TDRD15: variants seen among roughly 807,000 people sequenced by gnomAD.
TDRD15 encodes the protein tudor domain-containing protein 15.
For missense variants in TDRD15, 1,416 were observed against 904.7 expected, an observed-to-expected ratio of 1.57 and a Z score of -7.25; for synonymous variants, 503 against 314.5, an observed-to-expected ratio of 1.60 and a Z score of -6.34.
intron 1 of TDRD15, among the ~76,000 whole-genome samples, chr2:21,126,486 G>C (rs1052840965): frequency 6.6e-6 from 1 of 151,646 alleles, no homozygotes; most frequent in Non-Finnish European, 1.5e-5. Flanking sequence ...CCTTCCTCAG[G>C]CTCCCGAGTA....
chr2:21,126,881 T>C (rs2103434544), intron 1 of TDRD15, among the ~76,000 whole-genome samples: 1 of 152,334 alleles, frequency 6.6e-6, no homozygotes, highest in African/African-American at 2.4e-5. Context: ...TATTTAACTT[T>C]TAAAGAAGCT....
chr2:21,124,246 C>T (rs1665534548), intron 1 of TDRD15, among the ~76,000 whole-genome samples, 200 bp downstream of exon 1: 1 of 152,194 alleles, frequency 6.6e-6, no homozygotes. Flanking sequence ...ATTCAGCCCT[C>T]CCACCCGGGA....
At chr2:21,133,851 TA>T (rs936026031) in intron 2 of TDRD15, among the ~76,000 whole-genome samples, 1 of 152,088 alleles carries the variant, frequency 6.6e-6, no homozygotes, top group Non-Finnish European at 1.5e-5. Context: ...ATGCTAAGTG[TA>T]AAATGTACAC....
chr2:21,127,521 A>G (rs751573446), intron 1 of TDRD15, 80 bp from the exon 2 acceptor site: 3 of 152,176 alleles, frequency 2.0e-5, no homozygotes, highest in Non-Finnish European at 2.9e-5. Context: ...GCGTATGGCT[A>G]TCCAGCTGTT....
rs1467241279 is a variant in TDRD15 at position 21,143,554 on chromosome 2, A to C, written c.*282A>C. On this transcript the variant is annotated 3_prime_UTR_variant, in exon 4 of 4. Transcript: ENST00000405799. Reference sequence around the variant, plus strand: ...GGAACTGCCTGATGGTTTGAAGAACAGCAGTCACGTTGAAGACATTTTTGA... The same window carrying C: ...GGAACTGCCTGATGGTTTGAAGAACCGCAGTCACGTTGAAGACATTTTTGA... Among the ~76,000 whole-genome samples the C allele has an allele frequency of 6.6e-6, 1 of 151,642 alleles. No homozygotes were observed. Among genetic ancestry groups the C allele is most frequent in the Admixed American group, 6.6e-5 (1 of 15,180 alleles).
At chr2:21,147,068 GTGTTGCC>G (rs1319121103), downstream of TDRD15, among the ~76,000 whole-genome samples, 3 of 152,096 alleles carry the variant, frequency 2.0e-5, no homozygotes, top group African/African-American at 4.8e-5. Context: ...AAGCATTTCA[GTGTTGCC>G]TGGTACATAA....
chr2:21,144,471 T>C (rs1471430655), downstream of TDRD15, among the ~76,000 whole-genome samples: 1 of 151,898 alleles, frequency 6.6e-6, no homozygotes, highest in Non-Finnish European at 1.5e-5. Flanking sequence ...TATTTGAATT[T>C]TACCTAGATG....
intron 1 of TDRD15, among the ~76,000 whole-genome samples, chr2:21,126,685 C>G (rs376281085): frequency 6.6e-6 from 1 of 152,106 alleles, no homozygotes; most frequent in African/African-American, 2.4e-5. Flanking sequence ...TTATGCGTTA[C>G]GACTATTGTA....
intron 1 of TDRD15, among the ~76,000 whole-genome samples, chr2:21,126,388 C>T (rs972131504): frequency 5.3e-5 from 8 of 150,254 alleles, no homozygotes; most frequent in Admixed American, 2.6e-4. Context: ...TTCTTTGAGA[C>T]GGAGTTTCCC....
intron 2 of TDRD15, among the ~76,000 whole-genome samples, chr2:21,130,239 T>G (rs138605696): frequency 1.6e-4 from 25 of 152,364 alleles, no homozygotes; most frequent in Non-Finnish European, 3.2e-4. Flanking sequence ...AGGTTTTTTA[T>G]CCATTTTCAG....
chr2:21,124,441 GGT>G (rs1167399863), intron 1 of TDRD15, among the ~76,000 whole-genome samples: 2 of 147,606 alleles, frequency 1.4e-5, no homozygotes, highest in African/African-American at 2.5e-5. Flanking sequence ...CTAATGTCAG[GGT>G]GTGTGTGTGT....
At position 21,134,798 on chromosome 2, in the gene TDRD15, A is replaced by G. The variant is rs1665777749; in HGVS notation, c.-53A>G. The stretch of plus-strand genomic sequence containing the variant: ...GATTCTAAGGAAAAATAGTTTCCCA[A>G]ATTTCACACAATTAATTGAGTACTG... On this transcript the variant is annotated 5_prime_UTR_variant, in exon 3 of 4. Transcript: ENST00000405799. 6.6e-6 allele frequency: 1 copy of G among 151,524 alleles called. No homozygotes were observed. The highest frequency in any genetic ancestry group is 1.5e-5 in the Non-Finnish European group (1 of 67,798). 9.4% of individuals were successfully genotyped at this position (151,524 alleles called of 1,614,324 possible).
In TDRD15 at chr2:21,138,978, A is replaced by G. The variant is rs1166067026; in HGVS notation, c.1511A>G (p.His504Arg). 4.2e-6 allele frequency: 3 copies of G among 712,660 alleles called. No homozygotes were observed. The highest frequency in any genetic ancestry group is 1.5e-5 in the South Asian group (1 of 66,792). 44.1% of individuals were successfully genotyped at this position (712,660 alleles called of 1,614,324 possible). ...AATTTCTGGGTACGCACTAATGACC[A>G]TCGGAATGAATTTCAAGAAATAATG... Reference protein sequence around the residue: ...PSNFWVRTNDHRNEFQEIMKN... With the variant: ...PSNFWVRTNDRRNEFQEIMKN... Residue 504 changes from histidine (H) to arginine (R), a missense_variant, in exon 4 of 4, where the codon CAT (histidine) becomes CGT (arginine). By Grantham distance (29) the His-to-Arg change is conservative (BLOSUM62 0). Coordinates refer to ENST00000405799, the MANE Select transcript of TDRD15 (RefSeq NM_001306137.2).
At position 21,139,953 on chromosome 2, in the gene TDRD15, A is replaced by G. The variant is rs1665887490; in HGVS notation, c.2486A>G (p.Asp829Gly). 1 of 715,914 alleles carries G rather than the reference A, an allele frequency of 1.4e-6. No homozygotes were observed. Among genetic ancestry groups the G allele is most frequent in the Non-Finnish European group, 2.6e-6 (1 of 384,092 alleles). 44.3% of individuals were successfully genotyped at this position (715,914 alleles called of 1,614,324 possible). The change falls in exon 4 of 4, where the codon GAC becomes GGC. Residue 829 changes from aspartate to glycine, a missense_variant. Asp to Gly is a moderately conservative substitution (Grantham distance 94). Transcript: ENST00000405799. The part of the protein sequence containing the change: ...AVLTQVSKEV[D>G]IVFVDYGYQK... ...TTGACTCAAGTATCAAAAGAAGTTGACATAGTGTTTGTTGATTATGGTTAC... is the reference window on the plus strand; with the variant it reads ...TTGACTCAAGTATCAAAAGAAGTTGGCATAGTGTTTGTTGATTATGGTTAC...
intron 2 of TDRD15, among the ~76,000 whole-genome samples, chr2:21,128,039 G>A (rs1010259720): frequency 1.3e-5 from 2 of 152,144 alleles, no homozygotes; most frequent in Non-Finnish European, 2.9e-5. Flanking sequence ...GGTATCAAAA[G>A]ATGTGAGGAC....
intron 2 of TDRD15, among the ~76,000 whole-genome samples, chr2:21,133,636 C>T (rs1665757869): frequency 6.6e-6 from 1 of 152,094 alleles, no homozygotes; most frequent in East Asian, 1.9e-4. Context: ...AACTAGTGTA[C>T]TAAAACCTTT....
intron 1 of TDRD15, among the ~76,000 whole-genome samples, chr2:21,125,784 T>A (rs2103433609): frequency 6.6e-6 from 1 of 152,288 alleles, no homozygotes; most frequent in South Asian, 2.1e-4. Context: ...CCCGTCACAC[T>A]TTCCTCTATT....
rs1205918640 is a variant in TDRD15 at position 21,139,477 on chromosome 2, A to G, written c.2010A>G (p.Glu670=). Residue 670 remains glutamate, a synonymous_variant, in exon 4 of 4, where the codon GAA becomes GAG. Coordinates refer to ENST00000405799, the MANE Select transcript of TDRD15 (RefSeq NM_001306137.2). ...CAGAATATTTTCAAGTAGAACTAGA[A>G]TATTTTCCAAAATCTGTAAGTGAAT... ...GYAEYFQVEL[E]YFPKSVSEYS... is the part of the protein sequence containing the mutation. The G allele has an allele frequency of 1.4e-6, 1 of 701,886 alleles. No homozygotes were observed. Among genetic ancestry groups the G allele is most frequent in the East Asian group, 2.7e-5 (1 of 37,210 alleles). The allele number at this position is 701,886 out of a possible 1,614,324, so 43.5% of individuals were successfully genotyped here. A position where few individuals can be genotyped will look rare whatever the true frequency, so the allele number is the denominator to read the frequency against.
downstream of TDRD15, among the ~76,000 whole-genome samples, chr2:21,144,904 A>G (rs745882971): frequency 6.6e-6 from 1 of 151,994 alleles, no homozygotes; most frequent in African/African-American, 2.4e-5. Flanking sequence ...ACAGACGGTT[A>G]TAGGCACAGA....
Sources: allele counts gnomAD v4.1 joint callset (sites outside exome capture counted in the v4.1 genomes callset), GRCh38; gene constraint gnomAD v4.1.1; transcripts MANE v1.5; gene names NCBI Gene and HGNC (gene_info 2026-07-23, HGNC 2026-07-21).